The following UGT2B7 variants were observed in gnomAD, a reference collection of about 807,000 sequenced individuals.
UGT2B7 encodes the protein UDP-glucuronosyltransferase 2B7.
A neutral mutation model predicts 51.9 loss-of-function variants in UGT2B7; 51 were observed. That is an observed-to-expected ratio of 0.98 (90% CI 0.78 to 1.24). The LOEUF is 1.24. Among genes scored for constraint, UGT2B7 ranks in the 50% most tolerant of loss-of-function variants. The probability of loss-of-function intolerance (pLI) is 0.00; values close to 1 mark genes in which losing one functional copy is unlikely to be tolerated. For missense variants in UGT2B7, 727 were observed against 628.4 expected (o/e 1.16, Z -1.68); for synonymous variants, 225 against 211.6 (o/e 1.06, Z -0.55).
chr4:69,071,510 G>A (rs528462886), intron 1 of UGT2B7, among the ~76,000 whole-genome samples: 11 of 152,152 alleles, frequency 7.2e-5, no homozygotes, highest in African/African-American at 2.2e-4. Context: ...GGTTTGAAAA[G>A]CAAATAACAG....
At chr4:69,076,176 T>C (rs1718702004) in intron 1 of UGT2B7, among the ~76,000 whole-genome samples, 1 of 152,186 alleles carries the variant, frequency 6.6e-6, no homozygotes, top group South Asian at 2.1e-4. Context: ...ATCCAATCTA[T>C]CACTGATGGA....
chr4:69,059,530 G>A (rs1010039156), intron 1 of UGT2B7, among the ~76,000 whole-genome samples: 1 of 152,186 alleles, frequency 6.6e-6, no homozygotes, highest in Non-Finnish European at 1.5e-5. Flanking sequence ...AAAGACTCTG[G>A]AACCAAGAGT....
At chr4:69,081,493 T>C (rs1173054007) in intron 1 of UGT2B7, among the ~76,000 whole-genome samples, 1 of 152,148 alleles carries the variant, frequency 6.6e-6, no homozygotes, top group Non-Finnish European at 1.5e-5. Context: ...TTATTTTGCC[T>C]GTAAATTAAA....
rs1355881099 is a variant in UGT2B7 at position 69,087,015 on chromosome 4, C to G, written c.-158-2457C>G. On this transcript the variant is annotated intron_variant, in intron 1 of 5. Transcript: ENST00000502942. ...CTACCTCCATTTTGTTAATTGTTTT[C>G]TAGGTTAGTTTCTGTATATCCTTTC... 5.9e-5 allele frequency among the ~76,000 whole-genome samples: 9 copies of G among 151,590 alleles called. No individual in the cohort carries two copies. In the East Asian group the frequency reaches 1.6e-3, roughly 26 times the overall value.
At chr4:69,107,098 T>C (rs2109892786) in intron 3 of UGT2B7, 77 bp from the exon 4 acceptor site, 1 of 1,454,314 alleles carries the variant, frequency 6.9e-7, no homozygotes, top group South Asian at 1.2e-5. Context: ...ATCTCATTCC[T>C]ACTCTTTATA....
intron 1 of UGT2B7, among the ~76,000 whole-genome samples, chr4:69,053,835 G>A (rs1718108267): frequency 6.6e-6 from 1 of 152,158 alleles, no homozygotes; most frequent in Non-Finnish European, 1.5e-5. Context: ...TAGGTACTCT[G>A]CTGAATAAGT....
At chr4:69,095,580 A>G (rs1719201324), upstream of UGT2B7, among the ~76,000 whole-genome samples, 1 of 152,224 alleles carries the variant, frequency 6.6e-6, no homozygotes, top group South Asian at 2.1e-4. Context: ...GGGTCTGCAT[A>G]ATTCTAGGAC....
chr4:69,067,547 T>C (rs72851379), intron 1 of UGT2B7: 27,905 of 154,990 alleles, frequency 0.18, 2,702 homozygotes, highest in East Asian at 0.38. Flanking sequence ...AGGGGGAAGC[T>C]GTTAGATTGG....
Position 69,098,599 on chromosome 4 carries a change from T to C in UGT2B7, c.781T>C (p.Ser261Pro). Residue 261 changes from serine to proline, a missense_variant, in exon 2 of 6, where the codon TCC (serine) becomes CCC (proline). Transcript: ENST00000305231. ...GKADVWLIRNSWNFQFPYPLL... is the reference protein window; with the variant it reads ...GKADVWLIRNPWNFQFPYPLL... ...AGCTGACGTATGGCTTATTCGAAACTCCTGGAATTTTCAGTTTCCATATCC... is the reference window on the plus strand; with the variant it reads ...AGCTGACGTATGGCTTATTCGAAACCCCTGGAATTTTCAGTTTCCATATCC... 6.2e-7 allele frequency: 1 copy of C among 1,612,552 alleles called. No individual in the cohort carries two copies. The highest frequency in any genetic ancestry group is 8.5e-7 in the Non-Finnish European group (1 of 1,179,096).
intron 1 of UGT2B7, among the ~76,000 whole-genome samples, chr4:69,079,448 C>T (rs1034979991): frequency 1.3e-5 from 2 of 152,102 alleles, no homozygotes; most frequent in Non-Finnish European, 2.9e-5. Context: ...CAAACCTGTA[C>T]GTTGTGCACA....
chr4:69,053,301 C>G lies in UGT2B7; in HGVS notation c.-159+1699C>G, dbSNP rs114578846. Among the ~76,000 whole-genome samples the G allele has an allele frequency of 6.2e-3, 941 of 152,136 alleles. 11 individuals are homozygous for G. Among genetic ancestry groups the G allele is most frequent in the African/African-American group, 0.022 (909 of 41,496 alleles). On this transcript the variant is annotated intron_variant, in intron 1 of 5. Coordinates refer to the UGT2B7 transcript ENST00000502942. ...TGTTTAGCTTTCTTTGGTCTAAAAA[C>G]TAATACAAATTGGTGCTAAAGGAAA...
intron 2 of UGT2B7, among the ~76,000 whole-genome samples, chr4:69,090,136 T>C (rs1317541628): frequency 1.3e-5 from 2 of 152,208 alleles, no homozygotes; most frequent in Non-Finnish European, 2.9e-5. Flanking sequence ...AATTTTGATA[T>C]TATAGTCTAG....
At position 69,079,217 on chromosome 4, in the gene UGT2B7, G is replaced by A. The variant is rs541027557; in HGVS notation, c.-158-10255G>A. Among the ~76,000 whole-genome samples the A allele has an allele frequency of 5.3e-5, 8 of 152,318 alleles. No homozygotes were observed. In the East Asian group the frequency reaches 1.5e-3, roughly 29 times the overall value. On this transcript the variant is annotated intron_variant, in intron 1 of 5. Coordinates refer to the UGT2B7 transcript ENST00000502942. ...AGGGTGTTTCCTGGGACAACAGGAA[G>A]CTGCACCCTTCTGCTGCATTCAGAC...
At chr4:69,107,330 T>C (rs1229927387) in intron 4 of UGT2B7, 68 bp downstream of exon 4, 39 of 1,444,598 alleles carry the variant, frequency 2.7e-5, no homozygotes, top group Middle Eastern at 1.9e-4. Context: ...TAGTTCATCA[T>C]GAAACAAGCT....
intron 3 of UGT2B7, among the ~76,000 whole-genome samples, chr4:69,104,809 T>C (rs1292570107): frequency 6.6e-6 from 1 of 152,182 alleles, no homozygotes; most frequent in African/African-American, 2.4e-5. Flanking sequence ...AATGGGTAAC[T>C]TCACTACCAC....
At chr4:69,076,537 T>C (rs1244969077) in intron 1 of UGT2B7, among the ~76,000 whole-genome samples, 1 of 152,250 alleles carries the variant, frequency 6.6e-6, no homozygotes, top group Non-Finnish European at 1.5e-5. Flanking sequence ...TGATGAGTGA[T>C]AATGAGCTTT....
At chr4:69,078,796 A>G (rs1326012765) in intron 1 of UGT2B7, among the ~76,000 whole-genome samples, 1 of 152,078 alleles carries the variant, frequency 6.6e-6, no homozygotes, top group African/African-American at 2.4e-5. Flanking sequence ...TGGCTATGGA[A>G]GGTGGGGACA....
At chr4:69,091,513 A>G (rs905581137), upstream of UGT2B7, among the ~76,000 whole-genome samples, 2 of 152,134 alleles carry the variant, frequency 1.3e-5, no homozygotes, top group Non-Finnish European at 2.9e-5. Flanking sequence ...TTGCCGTAAT[A>G]AACATCAAGT....
At chr4:69,083,228 T>C (rs1718875883) in intron 1 of UGT2B7, among the ~76,000 whole-genome samples, 1 of 152,102 alleles carries the variant, frequency 6.6e-6, no homozygotes, top group South Asian at 2.1e-4. Context: ...ATTAATGTTG[T>C]TTTCATGCCC....
Sources: allele counts gnomAD v4.1 joint callset (sites outside exome capture counted in the v4.1 genomes callset), GRCh38; gene constraint gnomAD v4.1.1; transcripts MANE v1.5; gene names NCBI Gene and HGNC (gene_info 2026-07-23, HGNC 2026-07-21).